PDE4D: variants seen among roughly 807,000 people sequenced by gnomAD.
PDE4D encodes phosphodiesterase 4D, also known as 3',5'-cyclic-AMP phosphodiesterase 4D.
A neutral mutation model predicts 87.4 loss-of-function variants in PDE4D; 24 were observed. That is an observed-to-expected ratio of 0.27 (90% CI 0.20 to 0.39). The LOEUF (loss-of-function observed/expected upper bound fraction) is 0.39, where lower values mean the gene tolerates loss of function less well. Among genes scored for constraint, PDE4D ranks in the 10% least tolerant of loss-of-function variants. The pLI is 1.00. For synonymous variants in PDE4D, 384 were observed against 383.2 expected, an observed-to-expected ratio of 1.00 and a Z score of -0.02; for missense variants, 714 against 1,041.0, an observed-to-expected ratio of 0.69 and a Z score of 4.32.
chr5:60,040,340 C>T (rs140577927), intron 2 of PDE4D, among the ~76,000 whole-genome samples: 15 of 152,296 alleles, frequency 9.8e-5, no homozygotes, highest in Non-Finnish European at 1.9e-4. Flanking sequence ...GAGTGGGATG[C>T]TGTGATTATC....
intron 1 of PDE4D, among the ~76,000 whole-genome samples, chr5:60,414,126 C>T (rs1211810331): frequency 3.9e-5 from 6 of 152,248 alleles, no homozygotes; most frequent in African/African-American, 4.8e-5. Context: ...ACAGTAGGGC[C>T]GATGCTAAGA....
chr5:60,136,100 G>A (rs926142198), intron 2 of PDE4D, among the ~76,000 whole-genome samples: 2 of 152,062 alleles, frequency 1.3e-5, no homozygotes, highest in Non-Finnish European at 2.9e-5. Flanking sequence ...TTCAATTAAT[G>A]TTGATTTTCT....
chr5:59,117,886 A>G (rs1773878752), intron 5 of PDE4D, among the ~76,000 whole-genome samples: 1 of 152,002 alleles, frequency 6.6e-6, no homozygotes, highest in South Asian at 2.1e-4. Context: ...ATACCACACA[A>G]TAGATTGTCA....
intron 1 of PDE4D, among the ~76,000 whole-genome samples, chr5:60,239,017 G>A (rs898903980): frequency 6.6e-6 from 1 of 151,934 alleles, no homozygotes; most frequent in Non-Finnish European, 1.5e-5. Flanking sequence ...AGGCGTAAAT[G>A]GGTTTTAGTC....
At chr5:59,448,270 G>T (rs1798631990) in intron 1 of PDE4D, among the ~76,000 whole-genome samples, 1 of 152,128 alleles carries the variant, frequency 6.6e-6, no homozygotes, top group Admixed American at 6.5e-5. Context: ...GACTCTCCAT[G>T]CCATGCCCCA....
intron 1 of PDE4D, among the ~76,000 whole-genome samples, chr5:60,474,019 G>A (rs1196482649): frequency 1.4e-5 from 2 of 146,302 alleles, no homozygotes; most frequent in Non-Finnish European, 3.0e-5. Context: ...TCATCACTCA[G>A]ATCCACCCAG....
At chr5:60,329,715 C>G (rs1478607750) in intron 1 of PDE4D, among the ~76,000 whole-genome samples, 4 of 151,650 alleles carry the variant, frequency 2.6e-5, no homozygotes, top group African/African-American at 7.3e-5. Flanking sequence ...TGAAAAAGAC[C>G]TATCTAAAAG....
intron 1 of PDE4D, among the ~76,000 whole-genome samples, chr5:59,608,729 C>T (rs1828571392): frequency 4.6e-5 from 7 of 152,100 alleles, no homozygotes; most frequent in Admixed American, 3.3e-4. Context: ...AGTCTCCCAC[C>T]TCCTGGCATT....
intron 1 of PDE4D, among the ~76,000 whole-genome samples, chr5:60,469,529 G>A (rs193125223): frequency 1.8e-4 from 27 of 152,214 alleles, no homozygotes; most frequent in East Asian, 3.9e-4. Context: ...TGCACTTTGC[G>A]GATACTGTGT....
chr5:60,276,583 C>T (rs1751388843), intron 1 of PDE4D, among the ~76,000 whole-genome samples: 1 of 152,164 alleles, frequency 6.6e-6, no homozygotes, highest in Non-Finnish European at 1.5e-5. Flanking sequence ...CAGCTGTAAC[C>T]AATCCAGGTG....
chr5:60,112,608 C>A (rs1777787291), intron 2 of PDE4D, among the ~76,000 whole-genome samples: 2 of 152,154 alleles, frequency 1.3e-5, no homozygotes, highest in Middle Eastern at 3.4e-3. Context: ...TACTTCAGGG[C>A]AAACTTAACA....
intron 6 of PDE4D, among the ~76,000 whole-genome samples, chr5:59,016,364 T>C (rs959100090): frequency 6.7e-6 from 1 of 149,462 alleles, no homozygotes; most frequent in Non-Finnish European, 1.5e-5. Flanking sequence ...TTTTTTTTTT[T>C]CTGAGCCCTA....
chr5:59,003,005 A>C (rs558983961), intron 6 of PDE4D, among the ~76,000 whole-genome samples: 35 of 152,294 alleles, frequency 2.3e-4, no homozygotes, highest in Non-Finnish European at 4.4e-4. Flanking sequence ...ACTAATATTT[A>C]AAAAAATTCT....
chr5:60,319,607 T>C (rs1366640259), intron 1 of PDE4D, among the ~76,000 whole-genome samples: 1 of 152,314 alleles, frequency 6.6e-6, no homozygotes, highest in East Asian at 1.9e-4. Context: ...TCCCTATCTT[T>C]GTGGTTTTAT....
intron 2 of PDE4D, among the ~76,000 whole-genome samples, chr5:60,022,033 T>C (rs962378792): frequency 2.6e-5 from 4 of 152,162 alleles, no homozygotes; most frequent in African/African-American, 9.7e-5. Context: ...TGTTTTTGTG[T>C]AATTAGTAGA....
chr5:60,297,056 G>A (rs184972574), intron 1 of PDE4D, among the ~76,000 whole-genome samples: 17 of 152,214 alleles, frequency 1.1e-4, no homozygotes, highest in East Asian at 5.8e-4. Context: ...AAGCCTGCAC[G>A]TTCTGCCCAT....
intron 1 of PDE4D, among the ~76,000 whole-genome samples, chr5:59,691,755 A>G (rs1288404081): frequency 6.6e-6 from 1 of 151,882 alleles, no homozygotes; most frequent in African/African-American, 2.4e-5. Flanking sequence ...GAGCCAAACT[A>G]TTTTAAGATG....
intron 1 of PDE4D, among the ~76,000 whole-genome samples, chr5:60,472,445 CTAAT>C (rs1747884524): frequency 6.6e-6 from 1 of 152,126 alleles, no homozygotes; most frequent in African/African-American, 2.4e-5. Context: ...CTATAGAAAT[CTAAT>C]TATTATTATT....
chr5:60,217,130 T>C lies in PDE4D; in HGVS notation c.-89-31443A>G, dbSNP rs577168628. On this transcript the variant is annotated intron_variant, in intron 1 of 16. Transcript: ENST00000502484. ...TAACATATTCTACAGCATGGATAAA[T>C]CTTGAGGACATTATACCAAGTGCAC... Among the ~76,000 whole-genome samples the C allele has an allele frequency of 2.6e-5, 4 of 152,132 alleles. No homozygotes were observed. The South Asian group carries it at 8.3e-4, about 32-fold the overall frequency.
Sources: gnomAD v4.1 joint callset for allele counts (sites outside exome capture counted in the v4.1 genomes callset) on GRCh38, gnomAD v4.1.1 for gene constraint, MANE v1.5 for transcripts, NCBI Gene and HGNC (gene_info 2026-07-23, HGNC 2026-07-21) for gene names.